OXR1: variants seen among roughly 807,000 people sequenced by gnomAD.
OXR1 encodes oxidation resistance 1, also known as oxidation resistance protein 1.
In OXR1, 41 loss-of-function variants were observed where a neutral mutation model predicts 104.6. The observed-to-expected ratio is 0.39, with a 90% confidence interval of 0.31 to 0.51. OXR1 has a LOEUF of 0.51. Among genes scored for constraint, OXR1 ranks in the 20% least tolerant of loss-of-function variants. The pLI, the probability that OXR1 is intolerant of heterozygous loss-of-function variation, is 0.77. For missense variants in OXR1, 955 were observed against 1,031.9 expected, an observed-to-expected ratio of 0.93 and a Z score of 1.02; for synonymous variants, 348 against 348.4, an observed-to-expected ratio of 1.00 and a Z score of 0.01.
intron 3 of OXR1, among the ~76,000 whole-genome samples, chr8:106,525,663 G>T (rs2130176737): frequency 6.6e-6 from 1 of 152,296 alleles, no homozygotes; most frequent in Non-Finnish European, 1.5e-5. Context: ...TCCTGAATAG[G>T]TCCAAAAGGG....
At chr8:106,708,324 A>G (rs1264796687) in intron 9 of OXR1, among the ~76,000 whole-genome samples, 1 of 152,158 alleles carries the variant, frequency 6.6e-6, no homozygotes, top group Non-Finnish European at 1.5e-5. Context: ...GATTGAACCC[A>G]GGAGGTCGAG....
At position 106,694,458 on chromosome 8, in the gene OXR1, G is replaced by GTT. The variant is rs1829638256; in HGVS notation, c.675+1581_675+1582insTT. Among the ~76,000 whole-genome samples the GTT allele has an allele frequency of 4.2e-5, 5 of 118,174 alleles. No individual in the cohort carries two copies. The East Asian group carries it at 8.0e-4, about 19-fold the overall frequency. The allele number at this position is 118,174 out of a possible 152,430, so 77.5% of individuals were successfully genotyped here. A position where few individuals can be genotyped will look rare whatever the true frequency, so the allele number is the denominator to read the frequency against. ...TATAAATATATTTTTATATATATTT[G>GTT]ATATATAAATATATTTATATATATA... On this transcript the variant is annotated intron_variant, in intron 7 of 16. Transcript: ENST00000517566.
At chr8:106,547,635 G>C (rs963867666) in intron 3 of OXR1, among the ~76,000 whole-genome samples, 1 of 151,616 alleles carries the variant, frequency 6.6e-6, no homozygotes, top group Non-Finnish European at 1.5e-5. Flanking sequence ...TGGGATAACA[G>C]GTGCACATGA....
intron 3 of OXR1, among the ~76,000 whole-genome samples, chr8:106,647,557 A>C (rs1191816059): frequency 6.6e-6 from 1 of 152,230 alleles, no homozygotes; most frequent in African/African-American, 2.4e-5. Context: ...GTTAAGCTTT[A>C]GGTTTACTGG....
chr8:106,665,529 A>T (rs138449250), intron 3 of OXR1, among the ~76,000 whole-genome samples: 1 of 152,362 alleles, frequency 6.6e-6, no homozygotes, highest in Non-Finnish European at 1.5e-5. Flanking sequence ...TTGGTCAGCT[A>T]TTTAAAGCAC....
intron 2 of OXR1, among the ~76,000 whole-genome samples, chr8:106,476,511 G>A (rs1341699347): frequency 6.6e-6 from 1 of 151,824 alleles, no homozygotes; most frequent in East Asian, 1.9e-4. Context: ...CCACAAAATG[G>A]TAGAGTTAGC....
At chr8:106,433,273 T>G (rs903404628) in intron 2 of OXR1, among the ~76,000 whole-genome samples, 2 of 152,104 alleles carry the variant, frequency 1.3e-5, no homozygotes, top group South Asian at 2.1e-4. Context: ...CAGAACTGAT[T>G]GGGCCAGATT....
intron 1 of OXR1, among the ~76,000 whole-genome samples, chr8:106,292,731 A>G (rs954457966): frequency 2.0e-5 from 3 of 152,246 alleles, no homozygotes; most frequent in Non-Finnish European, 4.4e-5. Flanking sequence ...ACCTGAGAGT[A>G]GACCAATATC....
chr8:106,440,241 A>G (rs751359966), intron 2 of OXR1, among the ~76,000 whole-genome samples: 14 of 152,018 alleles, frequency 9.2e-5, no homozygotes, highest in Non-Finnish European at 1.8e-4. Flanking sequence ...CCAAAAAGCT[A>G]TGGTCTAATA....
In OXR1 at chr8:106,629,031, G is replaced by A. The variant is rs980163886; in HGVS notation, c.221-50179G>A. ...AAAGAGCAAAGACAGACTTCAGAGCGTAACAGAGTAAGAGAGAATGAAGAA... is the reference window on the plus strand; with the variant it reads ...AAAGAGCAAAGACAGACTTCAGAGCATAACAGAGTAAGAGAGAATGAAGAA... On this transcript the variant is annotated intron_variant, in intron 3 of 16. Transcript: ENST00000517566. Among the ~76,000 whole-genome samples the A allele has an allele frequency of 5.9e-5, 9 of 152,224 alleles. No homozygotes were observed. In the East Asian group the frequency reaches 9.7e-4, roughly 16 times the overall value.
chr8:106,365,478 T>C (rs1586570617), intron 2 of OXR1, among the ~76,000 whole-genome samples: 3 of 150,590 alleles, frequency 2.0e-5, no homozygotes, highest in Admixed American at 2.0e-4. Flanking sequence ...TCAAGAGGAA[T>C]GAAAAATGTG....
At chr8:106,697,681 A>G in intron 7 of OXR1, 1 of 1,614,028 alleles carries the variant, frequency 6.2e-7, no homozygotes, top group Middle Eastern at 1.6e-4. Context: ...CACAGTTTGG[A>G]AGATGTCAGT....
At chr8:106,449,597 C>T (rs1473024458) in intron 2 of OXR1, among the ~76,000 whole-genome samples, 1 of 152,266 alleles carries the variant, frequency 6.6e-6, no homozygotes, top group South Asian at 2.1e-4. Context: ...TCCAGCTCCA[C>T]GCAGCTAGTA....
chr8:106,474,356 T>C (rs955981397), intron 2 of OXR1, among the ~76,000 whole-genome samples: 1 of 151,782 alleles, frequency 6.6e-6, no homozygotes, highest in Non-Finnish European at 1.5e-5. Context: ...TTTCTTTAGA[T>C]TACAGTGTTT....
intron 3 of OXR1, among the ~76,000 whole-genome samples, chr8:106,611,613 CA>C (rs1030594859): frequency 6.6e-6 from 1 of 152,156 alleles, no homozygotes; most frequent in South Asian, 2.1e-4. Flanking sequence ...GTAAGTAGAT[CA>C]AAGTGTTTGT....
At chr8:106,331,389 A>C (rs1408485494) in intron 1 of OXR1, among the ~76,000 whole-genome samples, 1 of 152,208 alleles carries the variant, frequency 6.6e-6, no homozygotes, top group Non-Finnish European at 1.5e-5. Context: ...CCATAGATTA[A>C]TTTGTCATTG....
chr8:106,547,081 G>A lies in OXR1; in HGVS notation c.220+27942G>A, dbSNP rs900182274. On this transcript the variant is annotated intron_variant, in intron 3 of 16. Transcript: ENST00000517566. ...AATTTTTGTATTTTTAGTAGAGACC[G>A]GGTTTCACCATGTTGGCCAGGATGG... 9.9e-5 allele frequency among the ~76,000 whole-genome samples: 15 copies of A among 152,056 alleles called. No homozygotes were observed. The South Asian group carries it at 2.1e-3, about 21-fold the overall frequency.
chr8:106,688,475 A>C (rs572131378), intron 6 of OXR1, among the ~76,000 whole-genome samples: 269 of 152,220 alleles, frequency 1.8e-3, no homozygotes, highest in Admixed American at 4.7e-3. Flanking sequence ...GTCCTAAAGG[A>C]GGAAAGAGGA....
chr8:106,677,728 A>G (rs959441137), intron 3 of OXR1, among the ~76,000 whole-genome samples: 1 of 152,050 alleles, frequency 6.6e-6, no homozygotes, highest in African/African-American at 2.4e-5. Context: ...TATTTAGGAT[A>G]CAAAAGTAGA....
Sources: gnomAD v4.1 joint callset for allele counts (sites outside exome capture counted in the v4.1 genomes callset) on GRCh38, gnomAD v4.1.1 for gene constraint, MANE v1.5 for transcripts, NCBI Gene and HGNC (gene_info 2026-07-23, HGNC 2026-07-21) for gene names.